USP24: variants seen among roughly 807,000 people sequenced by gnomAD.
USP24 encodes the protein ubiquitin carboxyl-terminal hydrolase 24.
USP24 carries 97 observed loss-of-function variants against 361.6 expected under a neutral mutation model. The observed-to-expected ratio is 0.27, with a 90% CI of 0.23 to 0.32. The LOEUF (loss-of-function observed/expected upper bound fraction) is 0.32. Among genes scored for constraint, USP24 ranks in the 10% least tolerant of loss-of-function variants. The pLI is 1.00. For synonymous variants in USP24, 1,098 were observed against 1,124.6 expected (o/e 0.98, Z 0.47); for missense variants, 2,353 against 3,165.6 (o/e 0.74, Z 6.16).
intron 3 of USP24, among the ~76,000 whole-genome samples, chr1:55,175,090 T>A (rs1649823725): frequency 6.6e-6 from 1 of 152,036 alleles, no homozygotes; most frequent in African/African-American, 2.4e-5. Context: ...TTTTAAAAAA[T>A]GAAGCTACTT....
chr1:55,115,566 G>C (rs1646090149), intron 38 of USP24, among the ~76,000 whole-genome samples: 1 of 148,650 alleles, frequency 6.7e-6, no homozygotes, highest in Admixed American at 6.7e-5. Flanking sequence ...TTACACTGTT[G>C]GTGGGAGTGT....
chr1:55,183,695 T>C (rs1412912306), intron 1 of USP24, among the ~76,000 whole-genome samples: 1 of 152,100 alleles, frequency 6.6e-6, no homozygotes, highest in African/African-American at 2.4e-5. Context: ...TGGACAATAA[T>C]TAAAAGGCAG....
chr1:55,126,353 G>A (rs539756171), intron 32 of USP24, among the ~76,000 whole-genome samples: 1 of 152,166 alleles, frequency 6.6e-6, no homozygotes, highest in Non-Finnish European at 1.5e-5. Context: ...TCACCCCAGC[G>A]AAGCTTTTCC....
intron 54 of USP24, among the ~76,000 whole-genome samples, chr1:55,091,126 A>C (rs1238879473): frequency 1.3e-5 from 2 of 152,126 alleles, no homozygotes; most frequent in Non-Finnish European, 2.9e-5. Context: ...AATAAGATAC[A>C]GTCAATGTCT....
At chr1:55,172,120 G>T (rs971310076) in intron 4 of USP24, among the ~76,000 whole-genome samples, 1 of 152,120 alleles carries the variant, frequency 6.6e-6, no homozygotes, top group Non-Finnish European at 1.5e-5. Flanking sequence ...TTTAAGACAT[G>T]AATAATCGGG....
At chr1:55,189,620 T>C (rs1483280034) in intron 1 of USP24, among the ~76,000 whole-genome samples, 1 of 152,174 alleles carries the variant, frequency 6.6e-6, no homozygotes, top group Non-Finnish European at 1.5e-5. Flanking sequence ...GATGAAAATA[T>C]TCTCAAAATA....
chr1:55,067,158 G>A lies in USP24; in HGVS notation c.*1887C>T, dbSNP rs1418181757. ...GACTAGAAGTGGCAATTTCACTCCT[G>A]ATTTTGGGCTCCTGAGAGTGCAGTC... On this transcript the variant is annotated 3_prime_UTR_variant, in exon 68 of 68. Transcript: ENST00000294383. 2.0e-5 allele frequency: 3 copies of A among 152,144 alleles called. No individual in the cohort carries two copies. The highest frequency in any genetic ancestry group is 6.5e-5 in the Admixed American group (1 of 15,268). The allele number at this position is 152,144 out of a possible 1,614,324, so 9.4% of individuals were successfully genotyped here. A position where few individuals can be genotyped will look rare whatever the true frequency, so the allele number is the denominator to read the frequency against.
At chr1:55,133,162 T>G (rs553445147) in intron 30 of USP24, among the ~76,000 whole-genome samples, 88 of 152,330 alleles carry the variant, frequency 5.8e-4, no homozygotes, top group African/African-American at 2.1e-3. Flanking sequence ...TTTCTACCAC[T>G]AAATTATAAA....
intron 1 of USP24, 48 bp from the exon 2 acceptor site, chr1:55,178,180 TTACTC>T: frequency 6.5e-7 from 1 of 1,545,430 alleles, no homozygotes; most frequent in East Asian, 2.4e-5. Flanking sequence ...TAATTAGTGA[TTACTC>T]TAAAAATTTC....
In USP24 at chr1:55,141,860, C is replaced by A. The variant is rs12092764; in HGVS notation, c.2635-129G>T. On this transcript the variant is annotated intron_variant, in intron 23 of 67. Coordinates refer to ENST00000294383, the MANE Select transcript of USP24 (RefSeq NM_015306.3). ...TTCACTGTAGGATGTTTAACAGGAT[C>A]CCTGGCCTCTACCTACTTAGGGACC... 3 of 801,270 alleles carry A rather than the reference C, an allele frequency of 3.7e-6. No individual in the cohort carries two copies. The South Asian group carries it at 5.1e-5, about 14-fold the overall frequency. The allele number at this position is 801,270 out of a possible 1,614,324, so 49.6% of individuals were successfully genotyped here. A position where few individuals can be genotyped will look rare whatever the true frequency, so the allele number is the denominator to read the frequency against.
chr1:55,134,100 G>T lies in USP24; in HGVS notation c.3351C>A (p.Ala1117=). ...LIPTDPAIQE[A]LDQLDSLGRK... ...TTCCTAAAGAATCAAGTTGATCAAG[G>T]GCTTCCTGAATGGCTGGATCAGTGG... The change falls in exon 30 of 68, where the codon GCC becomes GCA. Residue 1117 remains alanine (A), a synonymous_variant. Transcript: ENST00000294383. 1 of 1,613,704 alleles carries T rather than the reference G, an allele frequency of 6.2e-7. No individual in the cohort carries two copies.
In USP24 at chr1:55,068,852, C is replaced by T. The variant is rs1644863886; in HGVS notation, c.*193G>A. 2 of 586,592 alleles carry T rather than the reference C, an allele frequency of 3.4e-6. No individual in the cohort carries two copies. Among genetic ancestry groups the T allele is most frequent in the East Asian group, 2.8e-5 (1 of 35,162 alleles). The allele number at this position is 586,592 out of a possible 1,614,324, so 36.3% of individuals were successfully genotyped here. On this transcript the variant is annotated 3_prime_UTR_variant, in exon 68 of 68. Transcript: ENST00000294383. ...GCTGATCCACATGCCGGAGTTCTCC[C>T]ACTGCCAAACAGCTCCCAAACCTTC... is the stretch of plus-strand genomic sequence containing the variant.
chr1:55,142,651 C>A, intron 23 of USP24, 91 bp downstream of exon 23: 1 of 939,950 alleles, frequency 1.1e-6, no homozygotes, highest in Non-Finnish European at 1.6e-6. Flanking sequence ...CAGCCACAAA[C>A]ATCAACATTA....
At chr1:55,214,182 T>G (rs1446701478) in intron 1 of USP24, among the ~76,000 whole-genome samples, 1 of 151,888 alleles carries the variant, frequency 6.6e-6, no homozygotes, top group Non-Finnish European at 1.5e-5. Flanking sequence ...TCCCTCTTCA[T>G]TTTAAATCCT....
At chr1:55,193,501 A>G (rs1644341674) in intron 1 of USP24, among the ~76,000 whole-genome samples, 1 of 152,160 alleles carries the variant, frequency 6.6e-6, no homozygotes, top group Non-Finnish European at 1.5e-5. Flanking sequence ...CATCGATTCC[A>G]GGATCCAAAA....
intron 8 of USP24, among the ~76,000 whole-genome samples, chr1:55,161,229 G>A (rs920800392): frequency 2.0e-5 from 3 of 151,728 alleles, no homozygotes; most frequent in Admixed American, 6.6e-5. Flanking sequence ...AAAATTAGCC[G>A]GGCATGGTGG....
intron 38 of USP24, among the ~76,000 whole-genome samples, chr1:55,115,139 G>C (rs1646068636): frequency 6.6e-6 from 1 of 152,096 alleles, no homozygotes; most frequent in Non-Finnish European, 1.5e-5. Flanking sequence ...ATGAAAAAAA[G>C]CTCATGATCA....
chr1:55,212,121 C>T (rs942904847), intron 1 of USP24, among the ~76,000 whole-genome samples: 3 of 152,182 alleles, frequency 2.0e-5, no homozygotes. Flanking sequence ...AGCCACTTCC[C>T]CTTTGGGGCC....
Position 55,068,909 on chromosome 1 carries a change from A to T in USP24, c.*136T>A. 1.1e-6 allele frequency: 1 copy of T among 909,166 alleles called. No homozygotes were observed. 56.3% of individuals were successfully genotyped at this position (909,166 alleles called of 1,614,324 possible). A position where few individuals can be genotyped will look rare whatever the true frequency, so the allele number is the denominator to read the frequency against. ...CTTAAAAATGCTTTCCTTGAGAAAT[A>T]CACGATCCGCCCAAGTCACAGCAGC... is the stretch of plus-strand genomic sequence containing the variant. On this transcript the variant is annotated 3_prime_UTR_variant, in exon 68 of 68. Transcript: ENST00000294383.
Sources: gnomAD v4.1 joint callset for allele counts (sites outside exome capture counted in the v4.1 genomes callset) on GRCh38, gnomAD v4.1.1 for gene constraint, MANE v1.5 for transcripts, NCBI Gene and HGNC (gene_info 2026-07-23, HGNC 2026-07-21) for gene names.